GREM2: variants seen among roughly 807,000 people sequenced by gnomAD.
GREM2 encodes the protein gremlin 2, DAN family BMP antagonist.
Under a neutral mutation model 14.2 loss-of-function variants are expected in GREM2, and 11 were observed. The ratio of observed to expected loss-of-function variants is 0.78; its 90% CI spans 0.49 to 1.28. The LOEUF is 1.28. Among genes scored for constraint, GREM2 ranks in the 50% most tolerant of loss-of-function variants. GREM2 has a pLI of 0.00. For missense variants in GREM2, 210 were observed against 218.5 expected (o/e 0.96, Z 0.24); for synonymous variants, 98 against 97.6 (o/e 1.00, Z -0.02).
chr1:240,584,255 G>A (rs1303408052), intron 1 of GREM2, among the ~76,000 whole-genome samples: 1 of 152,130 alleles, frequency 6.6e-6, no homozygotes, highest in Non-Finnish European at 1.5e-5. Flanking sequence ...AGCCCTTTGG[G>A]AGGCTGAGGC....
chr1:240,572,849 C>T (rs903662628), intron 1 of GREM2, among the ~76,000 whole-genome samples: 2 of 152,192 alleles, frequency 1.3e-5, no homozygotes, highest in South Asian at 2.1e-4. Context: ...GAGAGGGATG[C>T]TGAAAAGGGA....
chr1:240,562,981 TGTAA>T lies in GREM2; in HGVS notation c.-2+48899_-2+48902del, dbSNP rs200172617. 3.4e-3 allele frequency among the ~76,000 whole-genome samples: 492 copies of T among 145,554 alleles called. 4 individuals carry two copies. Among genetic ancestry groups the T allele is most frequent in the African/African-American group, 0.012 (456 of 36,698 alleles). On this transcript the variant is annotated intron_variant, in intron 1 of 1. Transcript: ENST00000318160. ...GTGTGAGTGTGTGTATGTGTGTATA[TGTAA>T]GTGTGTATGTGTGTATATGTGAGTG...
At chr1:240,588,509 A>G (rs1323311457) in intron 1 of GREM2, 1 of 152,158 alleles carries the variant, frequency 6.6e-6, no homozygotes, top group African/African-American at 2.4e-5. Flanking sequence ...ACGCCTTGTC[A>G]CCGTAACATT....
chr1:240,520,009 G>A (rs1238434513), intron 1 of GREM2, among the ~76,000 whole-genome samples: 1 of 152,072 alleles, frequency 6.6e-6, no homozygotes, highest in Admixed American at 6.6e-5. Context: ...GAACCCGAGA[G>A]ACGGAGGTTG....
At chr1:240,511,702 G>A (rs1291542523) in intron 1 of GREM2, among the ~76,000 whole-genome samples, 1 of 152,156 alleles carries the variant, frequency 6.6e-6, no homozygotes, top group African/African-American at 2.4e-5. Flanking sequence ...GCGGTAAGCC[G>A]AGATTGTGAC....
chr1:240,588,864 A>G (rs1014512243), intron 1 of GREM2: 9 of 152,128 alleles, frequency 5.9e-5, no homozygotes, highest in Non-Finnish European at 1.3e-4. Context: ...ACAACCCCAG[A>G]ACTTTGGGTG....
chr1:240,556,897 G>A (rs1337909885), intron 1 of GREM2, among the ~76,000 whole-genome samples: 6 of 152,258 alleles, frequency 3.9e-5, no homozygotes, highest in South Asian at 2.1e-4. Flanking sequence ...ATGTCTGGGC[G>A]TGGTGGCTCA....
At chr1:240,563,203 A>C (rs996026373) in intron 1 of GREM2, among the ~76,000 whole-genome samples, 1 of 149,976 alleles carries the variant, frequency 6.7e-6, no homozygotes, top group East Asian at 1.9e-4. Context: ...GAGTGTGTGT[A>C]AGTGAGTGTG....
intron 1 of GREM2, among the ~76,000 whole-genome samples, chr1:240,498,574 G>A (rs904650318): frequency 6.6e-6 from 1 of 152,196 alleles, no homozygotes; most frequent in Non-Finnish European, 1.5e-5. Flanking sequence ...CCAGGGGAGA[G>A]AACGTCCGTT....
chr1:240,579,333 C>A (rs1326613765), intron 1 of GREM2, among the ~76,000 whole-genome samples: 2 of 152,124 alleles, frequency 1.3e-5, no homozygotes, highest in East Asian at 3.9e-4. Context: ...TATTTGAGGG[C>A]AGATATGTAC....
intron 1 of GREM2, among the ~76,000 whole-genome samples, chr1:240,609,945 G>A (rs1680101469): frequency 6.6e-6 from 1 of 151,920 alleles, no homozygotes; most frequent in South Asian, 2.1e-4. Context: ...CATAGAGAAT[G>A]AACTGTTGAT....
Position 240,493,533 on chromosome 1 carries a change from T to A in GREM2, c.-1-57A>T, listed in dbSNP as rs1438646615. The stretch of plus-strand genomic sequence containing the variant: ...GAAGGGCCGTAGAGTACGGGATCAA[T>A]CTTACTTATTTTTTTTTTTATTTTA... On this transcript the variant is annotated intron_variant, in intron 1 of 1. Transcript: ENST00000318160. The A allele has an allele frequency of 5.5e-6, 8 of 1,450,960 alleles. No homozygotes were observed. The East Asian group carries it at 2.0e-4, about 36-fold the overall frequency. The allele number at this position is 1,450,960 out of a possible 1,614,324, so 89.9% of individuals were successfully genotyped here. A position where few individuals can be genotyped will look rare whatever the true frequency, so the allele number is the denominator to read the frequency against.
intron 1 of GREM2, among the ~76,000 whole-genome samples, chr1:240,523,881 T>C (rs1678161032): frequency 1.3e-5 from 2 of 152,338 alleles, no homozygotes; most frequent in Non-Finnish European, 2.9e-5. Context: ...AGCAACCACA[T>C]ATTTTTGCCA....
At chr1:240,522,419 T>C (rs977218526) in intron 1 of GREM2, among the ~76,000 whole-genome samples, 53 of 152,202 alleles carry the variant, frequency 3.5e-4, no homozygotes, top group African/African-American at 1.2e-3. Context: ...AGAGAAGAGA[T>C]TTAATGGTAA....
At chr1:240,553,113 C>T (rs1415128280) in intron 1 of GREM2, among the ~76,000 whole-genome samples, 2 of 152,162 alleles carry the variant, frequency 1.3e-5, no homozygotes, top group African/African-American at 4.8e-5. Context: ...TATCAGAAAT[C>T]ACGAAGACTT....
intron 1 of GREM2, among the ~76,000 whole-genome samples, chr1:240,606,498 T>C (rs2102874738): frequency 6.6e-6 from 1 of 152,252 alleles, no homozygotes; most frequent in Admixed American, 6.5e-5. Flanking sequence ...AATCATTAGG[T>C]TATTCCTGGT....
chr1:240,580,050 C>T (rs1436445975), intron 1 of GREM2, among the ~76,000 whole-genome samples: 3 of 152,092 alleles, frequency 2.0e-5, no homozygotes, highest in African/African-American at 7.2e-5. Context: ...GAAATTTAGA[C>T]TCCGCTTCTG....
At chr1:240,604,630 A>G (rs550617668) in intron 1 of GREM2, among the ~76,000 whole-genome samples, 10 of 152,128 alleles carry the variant, frequency 6.6e-5, no homozygotes, top group African/African-American at 1.9e-4. Flanking sequence ...TTTTTTTTCT[A>G]TCAAATGTCA....
intron 1 of GREM2, among the ~76,000 whole-genome samples, chr1:240,607,548 A>C (rs1356766852): frequency 1.3e-5 from 2 of 152,224 alleles, no homozygotes; most frequent in African/African-American, 2.4e-5. Context: ...CATTGCTCCA[A>C]GTTTTCATAA....
Sources: allele counts gnomAD v4.1 joint callset (sites outside exome capture counted in the v4.1 genomes callset), GRCh38; gene constraint gnomAD v4.1.1; transcripts MANE v1.5; gene names NCBI Gene and HGNC (gene_info 2026-07-23, HGNC 2026-07-21).